EPHB1: variants seen among roughly 807,000 people sequenced by gnomAD.
The protein encoded by EPHB1 is EPH receptor B1, also known as ephrin type-B receptor 1.
A neutral mutation model predicts 94.4 loss-of-function variants in EPHB1; 30 were observed. The ratio of observed to expected loss-of-function variants is 0.32; its 90% CI spans 0.24 to 0.43. EPHB1 has a LOEUF of 0.43. Among genes scored for constraint, EPHB1 ranks in the 20% least tolerant of loss-of-function variants. The pLI is 1.00. For missense variants in EPHB1, 1,055 were observed against 1,308.3 expected, an observed-to-expected ratio of 0.81 and a Z score of 2.99; for synonymous variants, 522 against 489.1, an observed-to-expected ratio of 1.07 and a Z score of -0.89.
intron 11 of EPHB1, among the ~76,000 whole-genome samples, chr3:135,194,638 C>T (rs1203647187): frequency 2.0e-5 from 3 of 152,206 alleles, no homozygotes; most frequent in Non-Finnish European, 4.4e-5. Context: ...TAGAAGCACA[C>T]TACTGAAGCT....
In EPHB1 at chr3:134,849,634, G is replaced by A. The variant is rs765695699; in HGVS notation, c.58+53945G>A. On this transcript the variant is annotated intron_variant, in intron 1 of 15. Transcript: ENST00000398015. ...GGAGGGGGTAGTGGCACATGAAAATGCAGCAAGCACCCGAGGACAGAGCTA... is the reference window on the plus strand; with the variant it reads ...GGAGGGGGTAGTGGCACATGAAAATACAGCAAGCACCCGAGGACAGAGCTA... Among the ~76,000 whole-genome samples the A allele has an allele frequency of 5.9e-5, 9 of 152,284 alleles. No homozygotes were observed. The South Asian group carries it at 1.9e-3, about 32-fold the overall frequency.
intron 3 of EPHB1, among the ~76,000 whole-genome samples, chr3:135,023,562 A>AT (rs1936048059): frequency 6.6e-6 from 1 of 152,090 alleles, no homozygotes; most frequent in Non-Finnish European, 1.5e-5. Context: ...CCTGACTTGT[A>AT]TTTTTTTATT....
intron 1 of EPHB1, among the ~76,000 whole-genome samples, chr3:134,878,140 TC>T (rs1282796580): frequency 5.3e-5 from 8 of 152,202 alleles, no homozygotes; most frequent in Non-Finnish European, 1.2e-4. Flanking sequence ...GGCTGGAACT[TC>T]CTGGGAGAAT....
intron 1 of EPHB1, among the ~76,000 whole-genome samples, chr3:134,804,071 A>ATTTTTTTTTTTTT (rs572201781): frequency 2.3e-5 from 1 of 43,750 alleles, no homozygotes; most frequent in African/African-American, 9.5e-5. Flanking sequence ...ATTATTGGCT[A>ATTTTTTTTTTTTT]TTTTTTTTTT....
chr3:134,954,397 A>C (rs545350767), intron 3 of EPHB1, among the ~76,000 whole-genome samples: 2 of 152,256 alleles, frequency 1.3e-5, no homozygotes, highest in South Asian at 4.2e-4. Flanking sequence ...CTTTCCACTC[A>C]TTTTTGGTGC....
intron 3 of EPHB1, among the ~76,000 whole-genome samples, chr3:135,056,949 T>C (rs1207327494): frequency 6.6e-6 from 1 of 152,202 alleles, no homozygotes; most frequent in Non-Finnish European, 1.5e-5. Flanking sequence ...GCTCAGCTCA[T>C]CACCCACCTA....
intron 1 of EPHB1, among the ~76,000 whole-genome samples, chr3:134,851,763 T>A (rs1341829413): frequency 6.6e-6 from 1 of 152,214 alleles, no homozygotes; most frequent in Admixed American, 6.5e-5. Flanking sequence ...TAAATACTCT[T>A]TGTTACACAT....
At chr3:135,069,853 T>C (rs1268287089) in intron 3 of EPHB1, among the ~76,000 whole-genome samples, 1 of 152,154 alleles carries the variant, frequency 6.6e-6, no homozygotes, top group East Asian at 1.9e-4. Context: ...GGTTTGATTA[T>C]GGCAGCATCA....
In EPHB1 at chr3:135,166,029, G is replaced by A. The variant is rs2107699691; in HGVS notation, c.1647G>A (p.Gly549=). The A allele has an allele frequency of 6.2e-7, 1 of 1,613,962 alleles. No homozygotes were observed. Among genetic ancestry groups the A allele is most frequent in the Non-Finnish European group, 8.5e-7 (1 of 1,179,870 alleles). The part of the protein sequence containing the change: ...LPLIAGSAAA[G]VVFVVSLVAI... Reference sequence around the variant, plus strand: ...TGATTGCTGGCTCGGCAGCGGCCGGGGTCGTGTTCGTTGTGTCCTTGGTGG... The same window carrying A: ...TGATTGCTGGCTCGGCAGCGGCCGGAGTCGTGTTCGTTGTGTCCTTGGTGG... The change falls in exon 8 of 16, where the codon GGG becomes GGA. Residue 549 remains glycine, a synonymous_variant. Coordinates refer to ENST00000398015, the MANE Select transcript of EPHB1 (RefSeq NM_004441.5).
rs532347997 is a variant in EPHB1 at position 134,909,116 on chromosome 3, G to GGC, written c.59-16699_59-16698insCG. Reference sequence around the variant, plus strand: ...AGAACAGTACACACAAGGTGGGGGCGGGGGGCGGGCTGGAAGAAAAGCTGA... The same window carrying GGC: ...AGAACAGTACACACAAGGTGGGGGCGGCGGGGGCGGGCTGGAAGAAAAGCTGA... On this transcript the variant is annotated intron_variant, in intron 1 of 15. Transcript: ENST00000398015. 2.7e-3 allele frequency among the ~76,000 whole-genome samples: 318 copies of GGC among 117,196 alleles called. 5 individuals carry two copies. The highest frequency in any genetic ancestry group is 9.4e-3 in the African/African-American group (306 of 32,404). 76.9% of individuals were successfully genotyped at this position (117,196 alleles called of 152,430 possible). A position where few individuals can be genotyped will look rare whatever the true frequency, so the allele number is the denominator to read the frequency against.
At chr3:135,086,499 T>C (rs1295061540) in intron 3 of EPHB1, among the ~76,000 whole-genome samples, 1 of 151,658 alleles carries the variant, frequency 6.6e-6, no homozygotes, top group Non-Finnish European at 1.5e-5. Context: ...GATGGGTATA[T>C]GACAATGACA....
At chr3:135,234,722 G>A (rs982964586) in intron 12 of EPHB1, among the ~76,000 whole-genome samples, 5 of 152,144 alleles carry the variant, frequency 3.3e-5, no homozygotes, top group African/African-American at 9.7e-5. Context: ...TTCTTCACGT[G>A]GTGGCAGGAA....
chr3:135,228,794 T>G (rs1465114416), intron 12 of EPHB1, among the ~76,000 whole-genome samples: 1 of 152,060 alleles, frequency 6.6e-6, no homozygotes, highest in Non-Finnish European at 1.5e-5. Flanking sequence ...TCTGGGAAAG[T>G]AAAACACAAG....
At chr3:135,247,283 T>C (rs1943949292) in intron 13 of EPHB1, among the ~76,000 whole-genome samples, 1 of 152,246 alleles carries the variant, frequency 6.6e-6, no homozygotes, top group Non-Finnish European at 1.5e-5. Flanking sequence ...GTTTTTGTTT[T>C]TTACAAAGCA....
chr3:135,162,242 C>A, intron 7 of EPHB1, 62 bp downstream of exon 7: 1 of 1,482,762 alleles, frequency 6.7e-7, no homozygotes, highest in South Asian at 1.4e-5. Flanking sequence ...AAAAAGTAGC[C>A]CCAAAGATGC....
intron 3 of EPHB1, among the ~76,000 whole-genome samples, chr3:135,068,101 T>A (rs1389610138): frequency 6.6e-6 from 1 of 152,156 alleles, no homozygotes; most frequent in Non-Finnish European, 1.5e-5. Flanking sequence ...TCAGAGGGTC[T>A]GTGTGTCCTC....
chr3:135,203,532 G>A (rs1010695443), intron 12 of EPHB1, among the ~76,000 whole-genome samples: 6 of 152,124 alleles, frequency 3.9e-5, no homozygotes, highest in Non-Finnish European at 5.9e-5. Flanking sequence ...CAAAATGAAA[G>A]ATACCATGTA....
intron 3 of EPHB1, among the ~76,000 whole-genome samples, chr3:135,064,787 G>C (rs992958186): frequency 6.6e-6 from 1 of 151,930 alleles, no homozygotes. Context: ...TCTTTGAGGC[G>C]TAACCTTAGA....
At chr3:135,064,612 A>G (rs1276592686) in intron 3 of EPHB1, among the ~76,000 whole-genome samples, 1 of 151,954 alleles carries the variant, frequency 6.6e-6, no homozygotes, top group African/African-American at 2.4e-5. Flanking sequence ...AATCTTGCTA[A>G]TGGTCTATCA....
Sources: allele counts gnomAD v4.1 joint callset (sites outside exome capture counted in the v4.1 genomes callset), GRCh38; gene constraint gnomAD v4.1.1; transcripts MANE v1.5; gene names NCBI Gene and HGNC (gene_info 2026-07-23, HGNC 2026-07-21).